Variants in NFX1 observed in about 807,000 individuals in gnomAD.
NFX1 encodes the protein transcriptional repressor NF-X1.
In NFX1, 69 loss-of-function variants were observed where a neutral mutation model predicts 137.2. That is an observed-to-expected ratio of 0.50 (90% CI 0.41 to 0.61). The LOEUF (loss-of-function observed/expected upper bound fraction) is 0.61, where lower values mean the gene tolerates loss of function less well. Among genes scored for constraint, NFX1 ranks in the 20% least tolerant of loss-of-function variants. The pLI is 0.00. For missense variants in NFX1, 1,167 were observed against 1,391.0 expected, an observed-to-expected ratio of 0.84 and a Z score of 2.56; for synonymous variants, 495 against 474.1, an observed-to-expected ratio of 1.04 and a Z score of -0.57.
chr9:33,294,443 G>A lies in NFX1; in HGVS notation c.49G>A (p.Ala17Thr). ...VSGTFKFNTD[A>T]AEFIPQEKKN... The stretch of plus-strand genomic sequence containing the variant: ...AGGTACTTTTAAATTCAATACAGAT[G>A]CTGCTGAATTCATTCCTCAGGAGAA... The change falls in exon 2 of 24, where the codon GCT becomes ACT. Residue 17 changes from alanine to threonine, a missense_variant. Coordinates refer to ENST00000379540, the MANE Select transcript of NFX1 (RefSeq NM_002504.6). 6.3e-7 allele frequency: 1 copy of A among 1,586,314 alleles called. No homozygotes were observed. The highest frequency in any genetic ancestry group is 8.6e-7 in the Non-Finnish European group (1 of 1,169,034).
chr9:33,328,758 T>C (rs766340986), intron 10 of NFX1, 80 bp downstream of exon 10: 1 of 1,167,884 alleles, frequency 8.6e-7, no homozygotes, highest in Admixed American at 1.8e-5. Flanking sequence ...GGAATCAAAA[T>C]AACCTCAGTA....
Position 33,344,314 on chromosome 9 carries a change from G to C in NFX1, c.2344+126G>C, listed in dbSNP as rs1823333292. 4 of 1,353,554 alleles carry C rather than the reference G, an allele frequency of 3.0e-6. No homozygotes were observed. The East Asian group carries it at 7.4e-5, about 25-fold the overall frequency. 83.8% of individuals were successfully genotyped at this position (1,353,554 alleles called of 1,614,324 possible). A position where few individuals can be genotyped will look rare whatever the true frequency, so the allele number is the denominator to read the frequency against. The stretch of plus-strand genomic sequence containing the variant: ...GCTGCCCCTTGCTCCCGGCTCAGGG[G>C]CTGGTTCTCTGAAGGTGGGTCTGTG... On this transcript the variant is annotated intron_variant, in intron 14 of 23. Coordinates refer to ENST00000379540, the MANE Select transcript of NFX1 (RefSeq NM_002504.6).
Position 33,318,985 on chromosome 9 carries a change from C to G in NFX1, c.1764C>G (p.Pro588=). 6.2e-7 allele frequency: 1 copy of G among 1,614,252 alleles called. No individual in the cohort carries two copies. The highest frequency in any genetic ancestry group is 8.5e-7 in the Non-Finnish European group (1 of 1,180,048). Residue 588 remains proline (P), a synonymous_variant, in exon 9 of 24, where the codon CCC becomes CCG. Coordinates refer to ENST00000379540, the MANE Select transcript of NFX1 (RefSeq NM_002504.6). ...CCTGCCAGCAATGCCCACGGCTCCC[C>G]CAGCTGGTGCGCTGTTGCCCCTGTG... ...PQPCQQCPRL[P]QLVRCCPCGQ...
Position 33,294,426 on chromosome 9 carries a change from T to C in NFX1, c.32T>C (p.Phe11Ser), listed in dbSNP as rs747601126. Residue 11 changes from phenylalanine to serine, a missense_variant, in exon 2 of 24, where the codon TTT (phenylalanine) becomes TCT (serine). Coordinates refer to ENST00000379540, the MANE Select transcript of NFX1 (RefSeq NM_002504.6). The stretch of plus-strand genomic sequence containing the variant: ...TCTATTTTTTATGTCCTAGGTACTT[T>C]TAAATTCAATACAGATGCTGCTGAA... MAEAPPVSGT[F>S]KFNTDAAEFI... is the part of the protein sequence containing the mutation. 1.3e-6 allele frequency: 2 copies of C among 1,560,100 alleles called. No homozygotes were observed. Among genetic ancestry groups the C allele is most frequent in the South Asian group, 2.4e-5 (2 of 82,318 alleles).
In NFX1 at chr9:33,363,995, CT is replaced by C; in HGVS notation, c.2874-14del. 1 of 1,541,954 alleles carries C rather than the reference CT, an allele frequency of 6.5e-7. No individual in the cohort carries two copies. The highest frequency in any genetic ancestry group is 8.8e-7 in the Non-Finnish European group (1 of 1,139,670). On this transcript the variant is annotated splice_polypyrimidine_tract_variant and intron_variant, in intron 19 of 23. Transcript: ENST00000379540. Reference sequence around the variant, plus strand: ...TCCCACTCCTTTTATTTGCATACCTCTCTCTCTCTTTCAGGAGATTAGCAGA... The same window carrying C: ...TCCCACTCCTTTTATTTGCATACCTCCTCTCTCTTTCAGGAGATTAGCAGA...
At position 33,344,121 on chromosome 9, in the gene NFX1, T is replaced by C. The variant is rs1279221080; in HGVS notation, c.2277T>C (p.Val759=). 5 of 1,614,014 alleles carry C rather than the reference T, an allele frequency of 3.1e-6. No individual in the cohort carries two copies. Among genetic ancestry groups the C allele is most frequent in the Non-Finnish European group, 4.2e-6 (5 of 1,179,996 alleles). ...GTGCATCAGTGATTTACCCTCCAGTTCCCTGTGGTACTAGGCCCCCTGAAT... is the reference window on the plus strand; with the variant it reads ...GTGCATCAGTGATTTACCCTCCAGTCCCCTGTGGTACTAGGCCCCCTGAAT... The part of the protein sequence containing the change: ...HCGASVIYPP[V]PCGTRPPECT... Residue 759 remains valine, a synonymous_variant, in exon 14 of 24, where the codon GTT becomes GTC. Coordinates refer to ENST00000379540, the MANE Select transcript of NFX1 (RefSeq NM_002504.6).
At chr9:33,316,138 C>T (rs1170359494) in intron 7 of NFX1, among the ~76,000 whole-genome samples, 1 of 152,108 alleles carries the variant, frequency 6.6e-6, no homozygotes, top group Non-Finnish European at 1.5e-5. Flanking sequence ...TGGGTGCTCC[C>T]TCCAGTTTTA....
At chr9:33,339,751 A>G (rs1243447442) in intron 12 of NFX1, among the ~76,000 whole-genome samples, 1 of 152,248 alleles carries the variant, frequency 6.6e-6, no homozygotes, top group Non-Finnish European at 1.5e-5. Flanking sequence ...TTGGGTATAT[A>G]CAGCCATTCC....
intron 19 of NFX1, among the ~76,000 whole-genome samples, chr9:33,356,918 C>T (rs948255132): frequency 6.1e-5 from 9 of 148,644 alleles, no homozygotes; most frequent in East Asian, 2.0e-4. Flanking sequence ...CTTGAACCTG[C>T]GAGGTTGAGG....
chr9:33,336,878 G>C (rs978493359), intron 11 of NFX1, among the ~76,000 whole-genome samples: 2 of 152,158 alleles, frequency 1.3e-5, no homozygotes, highest in Non-Finnish European at 2.9e-5. Flanking sequence ...AAGGCAGGCG[G>C]ATCACTTGAG....
chr9:33,364,103 T>C lies in NFX1; in HGVS notation c.2967T>C (p.Asp989=). 1 of 1,601,974 alleles carries C rather than the reference T, an allele frequency of 6.2e-7. No individual in the cohort carries two copies. The highest frequency in any genetic ancestry group is 2.3e-5 in the East Asian group (1 of 44,396). ...AATTCAGTGATAGTTTGAAAGAAGA[T>C]GCCAGGTATGTAACTTGTTACCTGC... ...GSKFSDSLKE[D]ARKDLKFVSD... is the part of the protein sequence containing the mutation. Residue 989 remains aspartate (D), a synonymous_variant, in exon 20 of 24, where the codon GAT becomes GAC. Coordinates refer to ENST00000379540, the MANE Select transcript of NFX1 (RefSeq NM_002504.6).
intron 7 of NFX1, among the ~76,000 whole-genome samples, chr9:33,316,327 G>A (rs62542722): frequency 1.3e-5 from 2 of 148,476 alleles, no homozygotes; most frequent in African/African-American, 5.0e-5. Context: ...TTTTTTTTTG[G>A]ATCTCGTTCT....
chr9:33,310,587 A>G (rs1018892606), intron 5 of NFX1, among the ~76,000 whole-genome samples: 3 of 152,022 alleles, frequency 2.0e-5, no homozygotes, highest in African/African-American at 4.8e-5. Context: ...ACTCACTAGC[A>G]TGCCTCCCCT....
intron 15 of NFX1, chr9:33,348,018 A>ACT (rs146128133): frequency 0.019 from 2,833 of 152,744 alleles, 89 homozygotes; most frequent in African/African-American, 0.061. Flanking sequence ...GACTTTGGGG[A>ACT]CTCTGGGGAA....
chr9:33,354,967 C>T, intron 19 of NFX1, 75 bp downstream of exon 19: 1 of 1,417,044 alleles, frequency 7.1e-7, no homozygotes, highest in Non-Finnish European at 9.9e-7. Flanking sequence ...AGCAACCCTT[C>T]AAACGTCATT....
At chr9:33,321,151 C>G (rs1391773137) in intron 9 of NFX1, among the ~76,000 whole-genome samples, 1 of 152,010 alleles carries the variant, frequency 6.6e-6, no homozygotes, top group Admixed American at 6.6e-5. Context: ...ACTCATGTAT[C>G]CTGTTGGTGA....
At chr9:33,353,953 G>T in intron 17 of NFX1, 133 bp from the exon 18 acceptor site, 1 of 731,806 alleles carries the variant, frequency 1.4e-6, no homozygotes. Flanking sequence ...GTTTCCCAAA[G>T]TGCTGGGCTT....
At chr9:33,361,382 G>C (rs1289186886) in intron 19 of NFX1, among the ~76,000 whole-genome samples, 1 of 152,042 alleles carries the variant, frequency 6.6e-6, no homozygotes, top group African/African-American at 2.4e-5. Context: ...ATACATTGTG[G>C]AATGGCTAAA....
chr9:33,293,730 T>C (rs1189533780), intron 1 of NFX1, among the ~76,000 whole-genome samples: 3 of 152,166 alleles, frequency 2.0e-5, no homozygotes, highest in Non-Finnish European at 4.4e-5. Context: ...CATGAGTGGG[T>C]TGAAGGGGAG....
Sources: allele counts gnomAD v4.1 joint callset (sites outside exome capture counted in the v4.1 genomes callset), GRCh38; gene constraint gnomAD v4.1.1; transcripts MANE v1.5; gene names NCBI Gene and HGNC (gene_info 2026-07-23, HGNC 2026-07-21).